The following PATJ variants were observed in gnomAD, a reference collection of about 807,000 sequenced individuals.
PATJ encodes inaD-like protein.
In PATJ, 190 loss-of-function variants were observed where a neutral mutation model predicts 224.9. The observed-to-expected ratio is 0.84, with a 90% confidence interval of 0.75 to 0.95. The LOEUF is 0.95. Ranked by LOEUF, PATJ falls within the 40% of genes least tolerant of loss-of-function variation. The pLI is 0.00. For synonymous variants in PATJ, 769 were observed against 820.3 expected, an observed-to-expected ratio of 0.94 and a Z score of 1.07; for missense variants, 2,121 against 2,270.3, an observed-to-expected ratio of 0.93 and a Z score of 1.34.
intron 22 of PATJ, among the ~76,000 whole-genome samples, chr1:61,887,852 AGATAGGGTGGGCTTAATTG>A (rs1394254124): frequency 2.0e-5 from 3 of 152,180 alleles, no homozygotes; most frequent in African/African-American, 7.2e-5. Context: ...CAGGGATGAT[AGATAGGGTGGGCTTAATTG>A]GCTTTAAACA....
chr1:61,957,719 A>G (rs2149408627), intron 27 of PATJ, among the ~76,000 whole-genome samples: 1 of 152,340 alleles, frequency 6.6e-6, no homozygotes, highest in South Asian at 2.1e-4. Flanking sequence ...ACAAAAAACC[A>G]GAGTTGAATA....
chr1:61,851,489 G>T (rs1167263625), intron 17 of PATJ, among the ~76,000 whole-genome samples: 1 of 152,094 alleles, frequency 6.6e-6, no homozygotes, highest in Non-Finnish European at 1.5e-5. Flanking sequence ...GGGATAAAGT[G>T]TTGGGCAAAC....
At chr1:61,979,392 G>T (rs544079705) in intron 27 of PATJ, among the ~76,000 whole-genome samples, 9 of 151,922 alleles carry the variant, frequency 5.9e-5, no homozygotes, top group South Asian at 4.1e-4. Context: ...CGGTGGTTCA[G>T]GCCTGTAATC....
chr1:61,983,623 A>T (rs1441146939), intron 27 of PATJ, among the ~76,000 whole-genome samples: 3 of 152,046 alleles, frequency 2.0e-5, no homozygotes, highest in Non-Finnish European at 4.4e-5. Context: ...GTGTCCTAGC[A>T]ATTGAAGAGG....
chr1:62,023,600 A>C (rs980562934), intron 29 of PATJ, among the ~76,000 whole-genome samples: 3 of 152,292 alleles, frequency 2.0e-5, no homozygotes, highest in African/African-American at 7.2e-5. Flanking sequence ...TTTGGGGCCC[A>C]TGGGAAGATA....
intron 37 of PATJ, 178 bp downstream of exon 37, chr1:62,117,396 A>G: frequency 7.1e-7 from 1 of 1,417,920 alleles, no homozygotes; most frequent in Non-Finnish European, 9.2e-7. Flanking sequence ...GAAATTCATT[A>G]ATCCCTAGAT....
chr1:61,891,522 G>A (rs949311047), intron 22 of PATJ, among the ~76,000 whole-genome samples: 6 of 152,182 alleles, frequency 3.9e-5, no homozygotes, highest in East Asian at 1.9e-4. Context: ...CCTCGAGCAC[G>A]TGACACTTCT....
At chr1:61,841,369 A>G (rs1661055795) in intron 17 of PATJ, among the ~76,000 whole-genome samples, 1 of 152,184 alleles carries the variant, frequency 6.6e-6, no homozygotes, top group East Asian at 1.9e-4. Context: ...CATCTTAGCT[A>G]ATCAGTTTAC....
chr1:61,928,029 T>C (rs1224112952), intron 27 of PATJ, among the ~76,000 whole-genome samples, 200 bp downstream of exon 27: 1 of 152,226 alleles, frequency 6.6e-6, no homozygotes, highest in African/African-American at 2.4e-5. Context: ...AAAGGGAATA[T>C]TGAAGGAAGC....
chr1:61,766,511 T>C, intron 4 of PATJ, 38 bp downstream of exon 4: 4 of 1,408,092 alleles, frequency 2.8e-6, no homozygotes, highest in Non-Finnish European at 2.9e-6. Flanking sequence ...TTTAGCTTCA[T>C]TTCTCCTGTT....
At chr1:61,824,743 G>T (rs1260652729) in intron 15 of PATJ, among the ~76,000 whole-genome samples, 1 of 152,064 alleles carries the variant, frequency 6.6e-6, no homozygotes, top group Non-Finnish European at 1.5e-5. Flanking sequence ...CCATTTTTAA[G>T]TGTGAAATTT....
At chr1:61,796,782 C>T (rs1287103920) in intron 10 of PATJ, among the ~76,000 whole-genome samples, 1 of 140,448 alleles carries the variant, frequency 7.1e-6, no homozygotes, top group Non-Finnish European at 1.5e-5. Context: ...CTTCCCCTTT[C>T]TTTCCCCCCT....
chr1:61,781,706 T>G (rs1043323365), intron 7 of PATJ, among the ~76,000 whole-genome samples: 2 of 152,206 alleles, frequency 1.3e-5, no homozygotes, highest in Admixed American at 1.3e-4. Flanking sequence ...AATTCTATGT[T>G]TCTAAAATAG....
intron 20 of PATJ, among the ~76,000 whole-genome samples, chr1:61,872,960 C>G (rs1055424768): frequency 1.3e-5 from 2 of 152,092 alleles, no homozygotes; most frequent in Non-Finnish European, 2.9e-5. Context: ...TTTTGTATAT[C>G]GGCTTATGAA....
At chr1:61,936,249 T>G (rs1178970622) in intron 27 of PATJ, among the ~76,000 whole-genome samples, 1 of 151,088 alleles carries the variant, frequency 6.6e-6, no homozygotes, top group African/African-American at 2.4e-5. Context: ...TATATTTTAA[T>G]TTTTTAAAAA....
chr1:61,930,732 A>G (rs1003740740), intron 27 of PATJ, among the ~76,000 whole-genome samples: 1 of 151,150 alleles, frequency 6.6e-6, no homozygotes, highest in Non-Finnish European at 1.5e-5. Context: ...TTTGAGATGG[A>G]GTTTTGCTCT....
chr1:61,791,053 T>C (rs1252457222), intron 8 of PATJ, among the ~76,000 whole-genome samples: 2 of 152,222 alleles, frequency 1.3e-5, no homozygotes, highest in East Asian at 1.9e-4. Flanking sequence ...AAACCACAAG[T>C]TGAGTCCTTA....
chr1:61,899,699 C>A (rs1212148891), intron 23 of PATJ, 45 bp downstream of exon 23: 5 of 1,288,036 alleles, frequency 3.9e-6, no homozygotes, highest in African/African-American at 1.5e-5. Flanking sequence ...GGAGCACAAC[C>A]AGTTGCTCTT....
intron 27 of PATJ, among the ~76,000 whole-genome samples, chr1:61,941,811 C>A (rs1677866867): frequency 6.6e-6 from 1 of 152,182 alleles, no homozygotes; most frequent in South Asian, 2.1e-4. Context: ...GTAGTAATAA[C>A]CATTCTACTT....
Sources: allele counts gnomAD v4.1 joint callset (sites outside exome capture counted in the v4.1 genomes callset), GRCh38; gene constraint gnomAD v4.1.1; transcripts MANE v1.5; gene names NCBI Gene and HGNC (gene_info 2026-07-23, HGNC 2026-07-21).